Variants in KIF26B observed in about 807,000 individuals in gnomAD.
The protein encoded by KIF26B is kinesin family member 26B.
In KIF26B, 63 loss-of-function variants were observed where a neutral mutation model predicts 151.2. That is an observed-to-expected ratio of 0.42 (90% CI 0.34 to 0.51). KIF26B has a LOEUF of 0.51. Among genes scored for constraint, KIF26B ranks in the 20% least tolerant of loss-of-function variants. KIF26B has a pLI of 0.07. For missense variants in KIF26B, 2,813 were observed against 2,913.6 expected (o/e 0.97, Z 0.79); for synonymous variants, 1,357 against 1,262.1 (o/e 1.08, Z -1.59).
chr1:245,155,518 G>C (rs377742075), intron 1 of KIF26B, 31 bp downstream of exon 1: 1 of 1,577,288 alleles, frequency 6.3e-7, no homozygotes, highest in Non-Finnish European at 8.7e-7. Flanking sequence ...GCGGAGACGC[G>C]TTACCAGACC....
At position 245,353,157 on chromosome 1, in the gene KIF26B, G is replaced by C. The variant is rs76573397; in HGVS notation, c.466-13677G>C. Among the ~76,000 whole-genome samples the C allele has an allele frequency of 9.2e-3, 1,407 of 152,296 alleles. 24 individuals are homozygous for C. Among genetic ancestry groups the C allele is most frequent in the African/African-American group, 0.032 (1,311 of 41,564 alleles). On this transcript the variant is annotated intron_variant, in intron 2 of 14. Transcript: ENST00000407071. ...ATCAGTTTAACAGTATAGCAGAGAA[G>C]TACAGCTGTGCTCTGTCAAACTCTA...
intron 2 of KIF26B, among the ~76,000 whole-genome samples, chr1:245,303,396 C>T (rs542004675): frequency 3.4e-4 from 52 of 151,622 alleles, no homozygotes; most frequent in African/African-American, 1.2e-3. Context: ...GACGGGGTTT[C>T]ACCGTGTTAG....
intron 10 of KIF26B, among the ~76,000 whole-genome samples, chr1:245,669,163 T>C (rs1260689852): frequency 6.6e-6 from 1 of 152,204 alleles, no homozygotes; most frequent in Non-Finnish European, 1.5e-5. Context: ...AGCCAATGAC[T>C]GGTTAGCAGT....
At position 245,464,981 on chromosome 1, in the gene KIF26B, C is replaced by CT. The variant is rs34890904; in HGVS notation, c.1166+45251dup. ...GCAGATTACCTGTGTTACCTCATGCCTTTTTTTTTTTTTTTGAGACTGAGT... is the reference window on the plus strand; with the variant it reads ...GCAGATTACCTGTGTTACCTCATGCCTTTTTTTTTTTTTTTTGAGACTGAGT... On this transcript the variant is annotated intron_variant, in intron 4 of 14. Coordinates refer to ENST00000407071, the MANE Select transcript of KIF26B (RefSeq NM_018012.4). Among the ~76,000 whole-genome samples the CT allele has an allele frequency of 2.5e-3, 343 of 136,490 alleles. 3 individuals carry two copies. The highest frequency in any genetic ancestry group is 3.4e-3 in the South Asian group (14 of 4,172). The allele number at this position is 136,490 out of a possible 152,430, so 89.5% of individuals were successfully genotyped here. A position where few individuals can be genotyped will look rare whatever the true frequency, so the allele number is the denominator to read the frequency against.
Position 245,688,803 on chromosome 1 carries a change from T to C in KIF26B, c.5820T>C (p.Asn1940=). The C allele has an allele frequency of 3.2e-6, 5 of 1,574,418 alleles. No homozygotes were observed. Among genetic ancestry groups the C allele is most frequent in the Non-Finnish European group, 4.3e-6 (5 of 1,157,276 alleles). Residue 1940 remains asparagine (N), a synonymous_variant, in exon 12 of 15, where the codon AAT becomes AAC. Coordinates refer to ENST00000407071, the MANE Select transcript of KIF26B (RefSeq NM_018012.4). The stretch of plus-strand genomic sequence containing the variant: ...TCAAGACCCCGAAGAAACGCTCCAA[T>C]CCAGGTAGGCGGCTGGGCGCAGGGA... ...RSLKTPKKRS[N]PGSQRRRLIP... is the part of the protein sequence containing the mutation.
intron 4 of KIF26B, among the ~76,000 whole-genome samples, chr1:245,496,776 A>C (rs894939735): frequency 2.6e-5 from 4 of 152,192 alleles, no homozygotes; most frequent in African/African-American, 9.6e-5. Context: ...AAAGACAACA[A>C]AATCTAATTA....
At chr1:245,612,521 T>G (rs185696689) in intron 9 of KIF26B, among the ~76,000 whole-genome samples, 1 of 152,306 alleles carries the variant, frequency 6.6e-6, no homozygotes, top group Admixed American at 6.5e-5. Flanking sequence ...GGAGTTTGCT[T>G]TGGTAAAGGT....
chr1:245,684,169 C>T (rs141844072), intron 10 of KIF26B, 64 bp from the exon 11 acceptor site: 3 of 1,553,142 alleles, frequency 1.9e-6, no homozygotes, highest in South Asian at 1.2e-5. Context: ...AGGCCTGAAG[C>T]CCTGCCCTGA....
At chr1:245,634,710 T>C (rs887578194) in intron 9 of KIF26B, among the ~76,000 whole-genome samples, 13 of 152,116 alleles carry the variant, frequency 8.5e-5, no homozygotes, top group African/African-American at 3.1e-4. Flanking sequence ...TATTTGTTGC[T>C]AGATACAATA....
rs1377344902 is a variant in KIF26B, at chr1:245,540,427, G to A, written c.1167-340G>A. ...CTGAGTTTATGCCAGAGAAGTTGTG[G>A]AGTGATGAACTTAATGGGTGCCCTT... On this transcript the variant is annotated intron_variant, in intron 4 of 14. Coordinates refer to ENST00000407071, the MANE Select transcript of KIF26B (RefSeq NM_018012.4). This position sits in a 1 kb window ranked among gnomAD's most constrained non-coding sequence, Gnocchi z 4.6. Among the ~76,000 whole-genome samples, 1 of 152,170 alleles carries A rather than the reference G, an allele frequency of 6.6e-6. No homozygotes were observed. The highest frequency in any genetic ancestry group is 2.4e-5 in the African/African-American group (1 of 41,436).
intron 9 of KIF26B, among the ~76,000 whole-genome samples, chr1:245,630,168 G>GA (rs2043765835): frequency 3.9e-5 from 6 of 152,338 alleles, no homozygotes; most frequent in Admixed American, 3.9e-4. Flanking sequence ...GTGGAAGACA[G>GA]TGTGGTGATT....
chr1:245,217,835 A>T (rs1448463330), intron 2 of KIF26B, among the ~76,000 whole-genome samples: 1 of 152,138 alleles, frequency 6.6e-6, no homozygotes, highest in Non-Finnish European at 1.5e-5. Flanking sequence ...CAGAACAGTC[A>T]CAGCTGCCAG....
intron 2 of KIF26B, among the ~76,000 whole-genome samples, chr1:245,333,328 G>A (rs1488949971): frequency 4.6e-5 from 7 of 152,198 alleles, no homozygotes; most frequent in Non-Finnish European, 5.9e-5. Context: ...ATGTTAAGTC[G>A]AATCAGCCAC....
At chr1:245,636,860 T>TTTTGTGTGTGTG (rs139548516) in intron 9 of KIF26B, among the ~76,000 whole-genome samples, 1 of 149,196 alleles carries the variant, frequency 6.7e-6, no homozygotes, top group African/African-American at 2.5e-5. Context: ...TAATATTCCA[T>TTTTGTGTGTGTG]TGTGTGTGTG....
intron 10 of KIF26B, among the ~76,000 whole-genome samples, chr1:245,669,414 GA>G (rs2044256275): frequency 6.6e-6 from 1 of 152,162 alleles, no homozygotes; most frequent in African/African-American, 2.4e-5. Flanking sequence ...TAGAATGGGA[GA>G]AAATATTTGT....
chr1:245,575,120 C>T (rs2043105686), intron 5 of KIF26B, among the ~76,000 whole-genome samples: 1 of 151,548 alleles, frequency 6.6e-6, no homozygotes, highest in African/African-American at 2.4e-5. Flanking sequence ...CCGCCTCGGC[C>T]TCCCAAAGTA....
chr1:245,254,417 A>G (rs1185105021), intron 2 of KIF26B, among the ~76,000 whole-genome samples: 1 of 152,110 alleles, frequency 6.6e-6, no homozygotes, highest in Admixed American at 6.6e-5. Flanking sequence ...AGGCGATTCT[A>G]TGAAAATTAA....
chr1:245,600,100 G>A (rs951306180), intron 5 of KIF26B, among the ~76,000 whole-genome samples: 10 of 145,408 alleles, frequency 6.9e-5, no homozygotes, highest in East Asian at 2.1e-4. Context: ...GTGTAATGGC[G>A]TGATCTTGGC....
intron 3 of KIF26B, among the ~76,000 whole-genome samples, chr1:245,396,227 C>T (rs1673838045): frequency 6.6e-6 from 1 of 152,164 alleles, no homozygotes; most frequent in Non-Finnish European, 1.5e-5. Flanking sequence ...GTTAGACAGA[C>T]TTCTCTCCGG....
Sources: gnomAD v4.1 joint callset for allele counts (sites outside exome capture counted in the v4.1 genomes callset) on GRCh38, gnomAD v4.1.1 for gene constraint, Gnocchi (gnomAD v3.1) non-coding constraint, MANE v1.5 for transcripts, NCBI Gene and HGNC (gene_info 2026-07-23, HGNC 2026-07-21) for gene names.